Variants in DMD observed in about 807,000 individuals in gnomAD.
The protein encoded by DMD is mutant dystrophin.
A neutral mutation model predicts 330.1 loss-of-function variants in DMD; 63 were observed. That is an observed-to-expected ratio of 0.19 (90% confidence interval 0.16 to 0.24). The LOEUF (loss-of-function observed/expected upper bound fraction) is 0.24, where lower values mean the gene tolerates loss of function less well. DMD is among the 10% of genes least tolerant of loss of function. The pLI is 1.00. For synonymous variants in DMD, 1,223 were observed against 959.8 expected (o/e 1.27, Z -5.07); for missense variants, 3,344 against 2,684.1 (o/e 1.25, Z -5.43).
rs72173048 is a variant in DMD at position 32,027,163 on chromosome X, T to TGCGC, written c.6439-58650_6439-58649insGCGC. ...ATTATGACACACACACACACGCACG[T>TGCGC]GCACACACACACACACACACAGAGA... On this transcript the variant is annotated intron_variant, in intron 44 of 78. Transcript: ENST00000357033. Among the ~76,000 whole-genome samples, 120 of 43,907 alleles carry TGCGC rather than the reference T, an allele frequency of 2.7e-3. 1 individual carries two copies. The highest frequency in any genetic ancestry group is 0.012 in the South Asian group (10 of 850). The allele number at this position is 43,907 out of a possible 115,157, so 38.1% of individuals were successfully genotyped here.
intron 41 of DMD, among the ~76,000 whole-genome samples, chrX:32,313,145 C>A (rs1237668188): frequency 9.2e-6 from 1 of 108,323 alleles, no homozygotes; most frequent in Non-Finnish European, 1.9e-5. Flanking sequence ...AAAAGAAAAT[C>A]CTCAATAAAA....
At chrX:33,072,830 A>G (rs1011857494) in intron 1 of DMD, among the ~76,000 whole-genome samples, 1 of 111,397 alleles carries the variant, frequency 9.0e-6, no homozygotes, top group Non-Finnish European at 1.9e-5. Flanking sequence ...ATTACCATCA[A>G]TGTTTTTGAA....
At chrX:31,577,782 C>A (rs1039155992) in intron 55 of DMD, among the ~76,000 whole-genome samples, 1 of 111,556 alleles carries the variant, frequency 9.0e-6, no homozygotes, top group Non-Finnish European at 1.9e-5. Context: ...TGTTTTAGCT[C>A]CATGATGCCA....
chrX:31,252,809 C>T (rs1309016954), intron 63 of DMD, among the ~76,000 whole-genome samples: 3 of 111,267 alleles, frequency 2.7e-5, no homozygotes, highest in Non-Finnish European at 5.7e-5. Flanking sequence ...GTCAAGAGAT[C>T]GAGACCATCC....
chrX:33,280,686 T>C (rs2053316054), intron 1 of DMD, among the ~76,000 whole-genome samples: 1 of 111,892 alleles, frequency 8.9e-6, no homozygotes, highest in Non-Finnish European at 1.9e-5. Context: ...ACATTAAATA[T>C]GTGCAGATTT....
At chrX:31,612,119 A>T (rs1429252672) in intron 55 of DMD, among the ~76,000 whole-genome samples, 4 of 111,074 alleles carry the variant, frequency 3.6e-5, no homozygotes, top group Non-Finnish European at 7.5e-5. Flanking sequence ...TACTCATTAA[A>T]CAATAAGCCC....
chrX:32,837,781 G>A (rs1044623191), intron 4 of DMD, among the ~76,000 whole-genome samples: 14 of 112,148 alleles, frequency 1.2e-4, no homozygotes. Flanking sequence ...AAGACACCAT[G>A]TGGATCTACT....
chrX:32,334,151 T>C (rs2097694152), intron 41 of DMD, among the ~76,000 whole-genome samples: 1 of 111,095 alleles, frequency 9.0e-6, no homozygotes, highest in South Asian at 3.7e-4. Context: ...TCATCAACAA[T>C]CTAGAAAAAC....
intron 62 of DMD, among the ~76,000 whole-genome samples, chrX:31,314,742 C>CAGAGAGAGAGAGAGAGAGAGAGAAAG (rs1556488349): frequency 7.2e-5 from 4 of 55,281 alleles, no homozygotes; most frequent in Admixed American, 4.1e-4. Flanking sequence ...AATACATACA[C>CAGAGAGAGAGAGAGAGAGAGAGAAAG]AGAGAGAGAG....
chrX:31,977,805 A>T (rs1207290560), intron 44 of DMD, among the ~76,000 whole-genome samples: 1 of 105,746 alleles, frequency 9.5e-6, no homozygotes, highest in Admixed American at 1.0e-4. Flanking sequence ...AAAAAAAAAA[A>T]GAATGCACAA....
At chrX:33,186,468 A>G (rs2050267898) in intron 1 of DMD, among the ~76,000 whole-genome samples, 1 of 111,238 alleles carries the variant, frequency 9.0e-6, no homozygotes, top group South Asian at 3.8e-4. Context: ...TTGTGAAACA[A>G]GAAATAGCAG....
chrX:31,666,106 C>G (rs1247947827), intron 53 of DMD, among the ~76,000 whole-genome samples: 1 of 111,667 alleles, frequency 9.0e-6, no homozygotes, highest in African/African-American at 3.3e-5. Context: ...GAAACGATTC[C>G]AGAAACAATG....
chrX:32,351,784 T>C (rs1405904744), intron 37 of DMD, among the ~76,000 whole-genome samples: 2 of 110,576 alleles, frequency 1.8e-5, no homozygotes. Flanking sequence ...GTTAGCATTA[T>C]ATGAGTATGT....
chrX:33,156,350 C>T (rs1338172493), intron 1 of DMD, among the ~76,000 whole-genome samples: 1 of 112,325 alleles, frequency 8.9e-6, no homozygotes, highest in Non-Finnish European at 1.9e-5. Context: ...ACATCACTAC[C>T]GTCACTACTA....
At chrX:32,037,725 C>T (rs772241623) in intron 44 of DMD, among the ~76,000 whole-genome samples, 2 of 111,235 alleles carry the variant, frequency 1.8e-5, no homozygotes, top group East Asian at 2.8e-4. Context: ...GCCATGCACA[C>T]GGTCAATTTC....
chrX:32,455,323 G>T (rs1188827672), intron 25 of DMD, among the ~76,000 whole-genome samples: 1 of 111,206 alleles, frequency 9.0e-6, no homozygotes, highest in Non-Finnish European at 1.9e-5. Context: ...AATTCACAAA[G>T]AAGATAATAT....
chrX:32,945,257 T>C lies in DMD; in HGVS notation c.93+74882A>G, dbSNP rs1482345112. 4.5e-5 allele frequency among the ~76,000 whole-genome samples: 5 copies of C among 111,796 alleles called. No homozygotes were observed. In the East Asian group the frequency reaches 1.1e-3, roughly 25 times the overall value. ...ACAGTAATTTCACATTTTGAACTTCTGTGGAAAATGATAGCTTTGATTTTC... is the reference window on the plus strand; with the variant it reads ...ACAGTAATTTCACATTTTGAACTTCCGTGGAAAATGATAGCTTTGATTTTC... On this transcript the variant is annotated intron_variant, in intron 2 of 78. Coordinates refer to ENST00000357033, the MANE Select transcript of DMD (RefSeq NM_004006.3).
intron 6 of DMD, among the ~76,000 whole-genome samples, chrX:32,812,503 C>T (rs2077444372): frequency 1.8e-5 from 2 of 111,119 alleles, no homozygotes; most frequent in Non-Finnish European, 3.8e-5. Flanking sequence ...CATGGTGGCT[C>T]GTGCCTATAG....
intron 1 of DMD, among the ~76,000 whole-genome samples, chrX:33,032,314 T>A (rs1167039382): frequency 8.9e-6 from 1 of 112,443 alleles, no homozygotes; most frequent in Non-Finnish European, 1.9e-5. Flanking sequence ...CTGTACTCAA[T>A]ACAAAATTGA....
Sources: allele counts gnomAD v4.1 joint callset (sites outside exome capture counted in the v4.1 genomes callset), GRCh38; gene constraint gnomAD v4.1.1; transcripts MANE v1.5; gene names NCBI Gene and HGNC (gene_info 2026-07-23, HGNC 2026-07-21).